Variants in TLN2 observed in about 807,000 individuals in gnomAD.
TLN2 encodes the protein talin 2, also known as talin-2.
TLN2 carries 118 observed loss-of-function variants against 294.7 expected under a neutral mutation model. The ratio of observed to expected loss-of-function variants is 0.40; its 90% confidence interval spans 0.34 to 0.47. The LOEUF (loss-of-function observed/expected upper bound fraction) is 0.47, where lower values mean the gene tolerates loss of function less well. TLN2 is among the 20% of genes least tolerant of loss of function. The pLI, the probability that TLN2 is intolerant of heterozygous loss-of-function variation, is 0.84. For synonymous variants in TLN2, 1,431 were observed against 1,304.5 expected, an observed-to-expected ratio of 1.10 and a Z score of -2.09; for missense variants, 3,083 against 3,282.2, an observed-to-expected ratio of 0.94 and a Z score of 1.48.
intron 1 of TLN2, among the ~76,000 whole-genome samples, chr15:62,494,913 C>T (rs926752640): frequency 1.3e-5 from 2 of 152,128 alleles, no homozygotes; most frequent in African/African-American, 4.8e-5. Context: ...GCTGCCCGCT[C>T]CCCACACAGC....
Position 62,840,819 on chromosome 15 carries a change from CCT to C in TLN2, c.*212_*213del. 2 of 582,676 alleles carry C rather than the reference CCT, an allele frequency of 3.4e-6. No individual in the cohort carries two copies. Among genetic ancestry groups the C allele is most frequent in the Non-Finnish European group, 5.7e-6 (2 of 351,790 alleles). 36.1% of individuals were successfully genotyped at this position (582,676 alleles called of 1,614,324 possible). A position where few individuals can be genotyped will look rare whatever the true frequency, so the allele number is the denominator to read the frequency against. On this transcript the variant is annotated 3_prime_UTR_variant, in exon 59 of 59. Coordinates refer to ENST00000636159, the MANE Select transcript of TLN2 (RefSeq NM_015059.3). ...ACGGTACAATGTCCTACCCACAACTCCTCTGCCGCCTCCCCTCATGCCTCACC... is the reference window on the plus strand; with the variant it reads ...ACGGTACAATGTCCTACCCACAACTCCTGCCGCCTCCCCTCATGCCTCACC...
At chr15:62,443,340 A>G (rs1278353245) in intron 1 of TLN2, among the ~76,000 whole-genome samples, 9 of 152,204 alleles carry the variant, frequency 5.9e-5, no homozygotes, top group Admixed American at 5.9e-4. Context: ...ACTGGTTCTA[A>G]TATAAAACTT....
intron 1 of TLN2, among the ~76,000 whole-genome samples, chr15:62,527,012 T>C (rs2040775270): frequency 6.6e-6 from 1 of 152,220 alleles, no homozygotes; most frequent in African/African-American, 2.4e-5. Flanking sequence ...CATGCACCTG[T>C]AGACAGGCAC....
chr15:62,544,026 C>T (rs1015568585), intron 1 of TLN2, among the ~76,000 whole-genome samples: 2 of 151,900 alleles, frequency 1.3e-5, no homozygotes, highest in African/African-American at 2.4e-5. Flanking sequence ...ACTCTGATGT[C>T]GTCAGAATTA....
intron 1 of TLN2, among the ~76,000 whole-genome samples, chr15:62,528,932 A>G (rs2040881249): frequency 2.6e-5 from 4 of 152,130 alleles, no homozygotes; most frequent in Admixed American, 6.5e-5. Context: ...CTTGTTCTCT[A>G]CAGCATAGCT....
At chr15:62,657,157 G>GC (rs979244877) in intron 8 of TLN2, among the ~76,000 whole-genome samples, 5 of 150,404 alleles carry the variant, frequency 3.3e-5, no homozygotes, top group Admixed American at 6.6e-5. Context: ...AAAAGGTGGG[G>GC]GGGGGAAGCA....
chr15:62,789,016 A>T (rs999812956), intron 45 of TLN2, among the ~76,000 whole-genome samples: 8 of 152,142 alleles, frequency 5.3e-5, no homozygotes, highest in African/African-American at 1.9e-4. Context: ...CTGCTGCCCA[A>T]AGGGGTGAAA....
chr15:62,396,301 T>C (rs1436731060), intron 1 of TLN2, among the ~76,000 whole-genome samples: 1 of 152,208 alleles, frequency 6.6e-6, no homozygotes, highest in Admixed American at 6.5e-5. Flanking sequence ...CGCAGGCTTT[T>C]CTATATGAAA....
At chr15:62,665,750 A>C (rs535119545) in intron 9 of TLN2, among the ~76,000 whole-genome samples, 28 of 152,306 alleles carry the variant, frequency 1.8e-4, no homozygotes, top group Admixed American at 1.6e-3. Context: ...ACCCAGTAGG[A>C]GGTCTTAAGC....
chr15:62,549,759 G>A (rs954338491), intron 1 of TLN2, among the ~76,000 whole-genome samples: 20 of 152,124 alleles, frequency 1.3e-4, no homozygotes, highest in Non-Finnish European at 2.2e-4. Flanking sequence ...GTTTAAAATG[G>A]GCTTAGGGAA....
chr15:62,812,824 C>CCT (rs1379120462), intron 52 of TLN2, among the ~76,000 whole-genome samples: 1 of 152,148 alleles, frequency 6.6e-6, no homozygotes, highest in Non-Finnish European at 1.5e-5. Flanking sequence ...AGATGGCTGG[C>CCT]CTCTGCCTGA....
chr15:62,444,619 C>T (rs1464263269), intron 1 of TLN2, among the ~76,000 whole-genome samples: 7 of 152,220 alleles, frequency 4.6e-5, no homozygotes, highest in East Asian at 3.8e-4. Context: ...CTTCACCGCA[C>T]GGTCCTGACT....
intron 1 of TLN2, among the ~76,000 whole-genome samples, chr15:62,508,007 T>A (rs1250671301): frequency 6.6e-6 from 1 of 152,082 alleles, no homozygotes; most frequent in African/African-American, 2.4e-5. Context: ...TGTTTATGGG[T>A]TTTTGGGCTT....
intron 1 of TLN2, among the ~76,000 whole-genome samples, chr15:62,502,974 G>A (rs1008103114): frequency 7.9e-5 from 12 of 152,174 alleles, no homozygotes; most frequent in Non-Finnish European, 1.8e-4. Flanking sequence ...TGACTTCACA[G>A]TTCCGTTTGC....
intron 9 of TLN2, among the ~76,000 whole-genome samples, chr15:62,661,696 T>C (rs2140971324): frequency 6.6e-6 from 1 of 152,290 alleles, no homozygotes; most frequent in East Asian, 1.9e-4. Flanking sequence ...CTATACTATC[T>C]CTAAAAGACA....
intron 54 of TLN2, chr15:62,824,050 G>A (rs771838884): frequency 2.0e-5 from 10 of 504,154 alleles, no homozygotes; most frequent in Non-Finnish European, 3.7e-5. Context: ...CCCTGTCTCC[G>A]GGGGTTCCTA....
intron 13 of TLN2, among the ~76,000 whole-genome samples, chr15:62,693,914 T>C (rs1476941928): frequency 6.6e-6 from 1 of 151,570 alleles, no homozygotes; most frequent in South Asian, 2.1e-4. Flanking sequence ...TTCAAAATGT[T>C]TTTTTAAAGG....
At chr15:62,519,533 C>G (rs1595998096) in intron 1 of TLN2, among the ~76,000 whole-genome samples, 2 of 152,258 alleles carry the variant, frequency 1.3e-5, no homozygotes, top group East Asian at 1.9e-4. Flanking sequence ...AGCCTCTTTG[C>G]AGAATAGAGA....
chr15:62,753,880 C>T lies in TLN2; in HGVS notation c.4440C>T (p.Cys1480=), dbSNP rs767353386. Residue 1480 remains cysteine (C), a synonymous_variant, in exon 36 of 59, where the codon TGC becomes TGT. Coordinates refer to ENST00000636159, the MANE Select transcript of TLN2 (RefSeq NM_015059.3). ...ARANQAIQMA[C]QNLVDPGSSP... is the part of the protein sequence containing the mutation. ...CTAACCAGGCCATCCAGATGGCATG[C>T]CAGAACTTGGTGGACCCTGGCAGCA... The T allele has an allele frequency of 4.4e-6, 7 of 1,609,080 alleles. No individual in the cohort carries two copies. The highest frequency in any genetic ancestry group is 3.3e-5 in the South Asian group (3 of 89,908).
Sources: allele counts gnomAD v4.1 joint callset (sites outside exome capture counted in the v4.1 genomes callset), GRCh38; gene constraint gnomAD v4.1.1; transcripts MANE v1.5; gene names NCBI Gene and HGNC (gene_info 2026-07-23, HGNC 2026-07-21).